TNNT1: variants seen among roughly 807,000 people sequenced by gnomAD.
The protein encoded by TNNT1 is troponin T, slow skeletal muscle.
Under a neutral mutation model 50.6 loss-of-function variants are expected in TNNT1, and 53 were observed. The ratio of observed to expected loss-of-function variants is 1.05; its 90% CI spans 0.84 to 1.32. The LOEUF is 1.32. Among genes scored for constraint, TNNT1 ranks in the 40% most tolerant of loss-of-function variants. The pLI, the probability that TNNT1 is intolerant of heterozygous loss-of-function variation, is 0.00. For missense variants in TNNT1, 348 were observed against 381.7 expected (o/e 0.91, Z 0.74); for synonymous variants, 142 against 138.0 (o/e 1.03, Z -0.20).
At chr19:55,147,954 C>A in intron 1 of TNNT1, 1 of 156,596 alleles carries the variant, frequency 6.4e-6, no homozygotes, top group South Asian at 1.8e-4. Context: ...ACTCTTGGGT[C>A]TGAGGGAGGG....
intron 6 of TNNT1, among the ~76,000 whole-genome samples, chr19:55,145,214 G>C (rs1476686176): frequency 6.6e-6 from 1 of 151,868 alleles, no homozygotes; most frequent in Non-Finnish European, 1.5e-5. Flanking sequence ...TGGGAGGATT[G>C]CTTGAGCCCA....
intron 11 of TNNT1, chr19:55,135,519 C>T: frequency 3.9e-6 from 1 of 257,554 alleles, no homozygotes. Context: ...ATCCTCTCAC[C>T]TCAGCCTTTT....
chr19:55,139,773 C>T (rs919817263), intron 9 of TNNT1, among the ~76,000 whole-genome samples: 3 of 149,770 alleles, frequency 2.0e-5, no homozygotes, highest in East Asian at 4.0e-4. Context: ...TTGGGAACAA[C>T]GTGGGCAACA....
At chr19:55,145,461 C>T in intron 6 of TNNT1, 83 bp downstream of exon 6, 1 of 1,393,532 alleles carries the variant, frequency 7.2e-7, no homozygotes, top group Non-Finnish European at 1.0e-6. Flanking sequence ...TCCATCTCTG[C>T]CTTTCTCACA....
chr19:55,141,179 G>C lies in TNNT1; in HGVS notation c.309+7C>G. On this transcript the variant is annotated splice_region_variant and intron_variant, in intron 8 of 13. Transcript: ENST00000588981. ...AAGACCGGGGGGAACCCGGACTCTC[G>C]GCTCACAATGCGCTCCTTCAAGGCA... is the stretch of plus-strand genomic sequence containing the variant. 4.3e-6 allele frequency: 7 copies of C among 1,612,084 alleles called. No individual in the cohort carries two copies. The highest frequency in any genetic ancestry group is 5.9e-6 in the Non-Finnish European group (7 of 1,178,098).
chr19:55,147,382 C>A (rs1167550202), intron 1 of TNNT1: 2 of 124,006 alleles, frequency 1.6e-5, no homozygotes, highest in Admixed American at 2.3e-4. Context: ...GGGCTGGGGG[C>A]CTGGACTCCT....
rs1384692051 is a variant in TNNT1, at chr19:55,132,737, C to T, written c.*178G>A. 7 of 656,538 alleles carry T rather than the reference C, an allele frequency of 1.1e-5. No individual in the cohort carries two copies. The highest frequency in any genetic ancestry group is 1.9e-5 in the Non-Finnish European group (7 of 366,834). 40.7% of individuals were successfully genotyped at this position (656,538 alleles called of 1,614,324 possible). ...GCCGTACTTTAATGATTATTGGTGA[C>T]ACTCTTTCAAGTAACTTGTTGGTAA... On this transcript the variant is annotated 3_prime_UTR_variant, in exon 14 of 14. Coordinates refer to ENST00000588981, the MANE Select transcript of TNNT1 (RefSeq NM_003283.6).
intron 12 of TNNT1, 33 bp from the exon 13 acceptor site, chr19:55,133,960 C>CGGTGGGG (rs763738713): frequency 6.2e-7 from 1 of 1,607,804 alleles, no homozygotes; most frequent in Non-Finnish European, 8.5e-7. Flanking sequence ...CTGGGACAGC[C>CGGTGGGG]GGTGGGGACG....
chr19:55,147,761 ACGCCTGGGTCTGAGGGAGGAGGGTCTGGG>A, intron 1 of TNNT1, among the ~76,000 whole-genome samples: 20 of 137,010 alleles, frequency 1.5e-4, no homozygotes, highest in South Asian at 2.4e-4. Flanking sequence ...GCGGGCCTGG[ACGCCTGGGTCTGAGGGAGGAGGGTCTGGG>A]GGCCTGGCCT....
At chr19:55,148,072 C>G (rs1394415264) in intron 1 of TNNT1, 2 of 152,338 alleles carry the variant, frequency 1.3e-5, no homozygotes, top group African/African-American at 4.8e-5. Flanking sequence ...CCTCTTTTGT[C>G]TTATGACAAG....
intron 13 of TNNT1, 80 bp downstream of exon 13, chr19:55,133,807 C>T: frequency 6.5e-7 from 1 of 1,534,246 alleles, no homozygotes; most frequent in East Asian, 2.2e-5. Flanking sequence ...GGGGATGGAG[C>T]CCACAGAGGG....
chr19:55,132,883 C>G lies in TNNT1; in HGVS notation c.*32G>C. On this transcript the variant is annotated 3_prime_UTR_variant, in exon 14 of 14. Coordinates refer to ENST00000588981, the MANE Select transcript of TNNT1 (RefSeq NM_003283.6). ...TACCGATGGGACAAACACTCCCAGGCTTCCCAGGTGCCACTGTCCGGGGCG... is the reference window on the plus strand; with the variant it reads ...TACCGATGGGACAAACACTCCCAGGGTTCCCAGGTGCCACTGTCCGGGGCG... 1 of 1,589,214 alleles carries G rather than the reference C, an allele frequency of 6.3e-7. No individual in the cohort carries two copies. Among genetic ancestry groups the G allele is most frequent in the African/African-American group, 1.3e-5 (1 of 74,828 alleles).
chr19:55,132,883 C>T lies in TNNT1; in HGVS notation c.*32G>A, dbSNP rs1568832310. 2 of 1,589,096 alleles carry T rather than the reference C, an allele frequency of 1.3e-6. No individual in the cohort carries two copies. Among genetic ancestry groups the T allele is most frequent in the Admixed American group, 1.8e-5 (1 of 55,708 alleles). On this transcript the variant is annotated 3_prime_UTR_variant, in exon 14 of 14. Coordinates refer to ENST00000588981, the MANE Select transcript of TNNT1 (RefSeq NM_003283.6). ...TACCGATGGGACAAACACTCCCAGGCTTCCCAGGTGCCACTGTCCGGGGCG... is the reference window on the plus strand; with the variant it reads ...TACCGATGGGACAAACACTCCCAGGTTTCCCAGGTGCCACTGTCCGGGGCG...
In TNNT1 at chr19:55,146,940, C is replaced by T. The variant is rs573113711; in HGVS notation, c.46+68G>A. 11 of 1,516,946 alleles carry T rather than the reference C, an allele frequency of 7.3e-6. No homozygotes were observed. In the African/African-American group the frequency reaches 8.2e-5, roughly 11 times the overall value. The allele number at this position is 1,516,946 out of a possible 1,614,324, so 94.0% of individuals were successfully genotyped here. A position where few individuals can be genotyped will look rare whatever the true frequency, so the allele number is the denominator to read the frequency against. On this transcript the variant is annotated intron_variant, in intron 3 of 13. Coordinates refer to ENST00000588981, the MANE Select transcript of TNNT1 (RefSeq NM_003283.6). ...CCTTCCCCGCCAAAGTGCCACACTC[C>T]TCGCCTCCCCTCCCAAGAGCTCCTG...
chr19:55,146,335 A>C (rs1205643981), intron 5 of TNNT1, 99 bp downstream of exon 5: 17 of 643,070 alleles, frequency 2.6e-5, no homozygotes, highest in African/African-American at 7.1e-5. Context: ...ATGGGGGCGG[A>C]GGGAGGGAAG....
At chr19:55,139,784 T>G (rs370460504) in intron 9 of TNNT1, among the ~76,000 whole-genome samples, 2 of 149,890 alleles carry the variant, frequency 1.3e-5, no homozygotes, top group Non-Finnish European at 3.0e-5. Context: ...GTGGGCAACA[T>G]AGAAAGACCC....
chr19:55,133,836 G>A (rs1402538722), intron 13 of TNNT1, 51 bp downstream of exon 13: 1 of 1,611,030 alleles, frequency 6.2e-7, no homozygotes, highest in Admixed American at 1.7e-5. Context: ...AGGCCTGAGA[G>A]TCAGCGGGAG....
intron 4 of TNNT1, 44 bp from the exon 5 acceptor site, chr19:55,146,510 G>C (rs768352722): frequency 8.1e-6 from 10 of 1,239,186 alleles, no homozygotes; most frequent in Admixed American, 3.3e-5. Context: ...GGGAGCGAGG[G>C]GGGAGCGGCC....
chr19:55,138,215 A>G, intron 9 of TNNT1, 141 bp from the exon 10 acceptor site: 1 of 1,453,814 alleles, frequency 6.9e-7, no homozygotes, highest in Non-Finnish European at 9.4e-7. Flanking sequence ...GCAGAAACGC[A>G]GGGGTACCCA....
Sources: gnomAD v4.1 joint callset for allele counts (sites outside exome capture counted in the v4.1 genomes callset) on GRCh38, gnomAD v4.1.1 for gene constraint, MANE v1.5 for transcripts, NCBI Gene and HGNC (gene_info 2026-07-23, HGNC 2026-07-21) for gene names.